PTPRA: variants seen among roughly 807,000 people sequenced by gnomAD.
PTPRA encodes protein tyrosine phosphatase receptor type A, also known as receptor-type tyrosine-protein phosphatase alpha.
In PTPRA, 25 loss-of-function variants were observed where a neutral mutation model predicts 104.8. That is an observed-to-expected ratio of 0.24 (90% CI 0.17 to 0.33). PTPRA has a LOEUF of 0.33. Ranked by LOEUF, PTPRA falls within the 10% of genes least tolerant of loss-of-function variation. PTPRA has a pLI of 1.00. For missense variants in PTPRA, 765 were observed against 1,015.3 expected (o/e 0.75, Z 3.35); for synonymous variants, 323 against 368.9 (o/e 0.88, Z 1.43).
intron 18 of PTPRA, 117 bp downstream of exon 18, chr20:3,026,897 C>T: frequency 1.0e-6 from 1 of 996,500 alleles, no homozygotes; most frequent in Non-Finnish European, 1.5e-6. Context: ...CATGGCATTG[C>T]CTCTTGTTGC....
chr20:2,888,676 A>G (rs1390385744), intron 1 of PTPRA, among the ~76,000 whole-genome samples: 1 of 152,144 alleles, frequency 6.6e-6, no homozygotes, highest in Non-Finnish European at 1.5e-5. Context: ...AAAAGTATAT[A>G]TAGTATATAT....
intron 2 of PTPRA, among the ~76,000 whole-genome samples, chr20:2,923,497 A>C (rs633284): frequency 6.7e-6 from 1 of 149,584 alleles, no homozygotes; most frequent in Non-Finnish European, 1.5e-5. Context: ...TTTTTTTTTT[A>C]AAAAAAAAGA....
intron 6 of PTPRA, among the ~76,000 whole-genome samples, chr20:2,980,636 G>T (rs969296449): frequency 5.3e-5 from 8 of 152,030 alleles, no homozygotes; most frequent in Non-Finnish European, 1.2e-4. Context: ...GATCACTTGA[G>T]ACCAAGAGTT....
chr20:2,968,507 T>TTTTTTTTTTTTG, intron 5 of PTPRA, among the ~76,000 whole-genome samples: 1 of 145,184 alleles, frequency 6.9e-6, no homozygotes, highest in Admixed American at 6.9e-5. Flanking sequence ...CTTTTTTTTT[T>TTTTTTTTTTTTG]TTCTCAAATT....
intron 9 of PTPRA, among the ~76,000 whole-genome samples, 168 bp from the exon 10 acceptor site, chr20:3,004,888 G>A (rs1381349340): frequency 2.6e-5 from 4 of 152,178 alleles, no homozygotes; most frequent in Non-Finnish European, 5.9e-5. Flanking sequence ...TGGCTGTTTC[G>A]GGGGAGAGGA....
At chr20:2,923,591 G>T (rs2060178217) in intron 2 of PTPRA, among the ~76,000 whole-genome samples, 1 of 151,812 alleles carries the variant, frequency 6.6e-6, no homozygotes, top group Non-Finnish European at 1.5e-5. Context: ...TTGAGGTCAG[G>T]AGTTCAAGAC....
chr20:2,964,371 G>T, intron 4 of PTPRA, 21 bp downstream of exon 4: 1 of 1,546,404 alleles, frequency 6.5e-7, no homozygotes, highest in Non-Finnish European at 8.8e-7. Flanking sequence ...ATTTGATAAG[G>T]CTGCTATTTG....
At chr20:2,946,787 G>T (rs1388593570) in intron 2 of PTPRA, among the ~76,000 whole-genome samples, 3 of 151,974 alleles carry the variant, frequency 2.0e-5, no homozygotes, top group African/African-American at 4.8e-5. Flanking sequence ...GGCAGAGGTT[G>T]CAGTGAGCCG....
rs2062382346 is a variant in PTPRA, at chr20:2,975,252, C to T, written c.442+11C>T. ...CGAAGGACAGAAGAGGTGAGCTGCT[C>T]ACCTTATATCTGTTGTTCCTTTTAC... is the stretch of plus-strand genomic sequence containing the variant. On this transcript the variant is annotated intron_variant, in intron 6 of 23. Transcript: ENST00000399903. The T allele has an allele frequency of 7.6e-6, 12 of 1,589,114 alleles. No individual in the cohort carries two copies. The East Asian group carries it at 1.8e-4, about 24-fold the overall frequency.
At chr20:2,967,992 C>G (rs2062008071) in intron 5 of PTPRA, among the ~76,000 whole-genome samples, 1 of 152,312 alleles carries the variant, frequency 6.6e-6, no homozygotes, top group East Asian at 1.9e-4. Context: ...CCTCCATTGT[C>G]TTATTCCAGT....
At chr20:3,031,694 A>T (rs1347559438) in intron 20 of PTPRA, among the ~76,000 whole-genome samples, 1 of 152,080 alleles carries the variant, frequency 6.6e-6, no homozygotes, top group Admixed American at 6.6e-5. Flanking sequence ...TTTTGTCTTC[A>T]TCAAGTCCTT....
chr20:2,866,736 T>A, the PTPRA span: 1 of 1,088,664 alleles, frequency 9.2e-7, no homozygotes, highest in Non-Finnish European at 1.3e-6. Context: ...CACTTCACAG[T>A]GCTTGTCTTA....
At chr20:2,993,850 G>T (rs1404333783) in intron 9 of PTPRA, among the ~76,000 whole-genome samples, 4 of 152,204 alleles carry the variant, frequency 2.6e-5, no homozygotes, top group South Asian at 2.1e-4. Context: ...CACAGAGGGA[G>T]GTCTAGCCAA....
intron 2 of PTPRA, among the ~76,000 whole-genome samples, chr20:2,929,488 A>G (rs988410711): frequency 6.6e-6 from 1 of 152,036 alleles, no homozygotes; most frequent in Non-Finnish European, 1.5e-5. Context: ...GTAGGATTTT[A>G]TGTACTGATA....
At chr20:2,922,155 G>A (rs531272266) in intron 1 of PTPRA, among the ~76,000 whole-genome samples, 3 of 152,244 alleles carry the variant, frequency 2.0e-5, no homozygotes, top group South Asian at 4.1e-4. Context: ...TTTGGGACAG[G>A]GAGGAGTGTT....
chr20:3,029,365 T>A (rs988210057), intron 20 of PTPRA, among the ~76,000 whole-genome samples: 1 of 151,870 alleles, frequency 6.6e-6, no homozygotes, highest in African/African-American at 2.4e-5. Context: ...GGTCTTGAAC[T>A]CCTGGGCTCA....
chr20:2,868,310 CTT>C, the PTPRA span, among the ~76,000 whole-genome samples: 36 of 104,136 alleles, frequency 3.5e-4, no homozygotes, highest in African/African-American at 7.5e-4. Context: ...GACTCCACCT[CTT>C]TTTTTTTTTT....
intron 1 of PTPRA, among the ~76,000 whole-genome samples, chr20:2,908,140 T>C (rs2059493645): frequency 6.6e-6 from 1 of 152,118 alleles, no homozygotes; most frequent in Admixed American, 6.6e-5. Flanking sequence ...TTACCTTCCC[T>C]CCTTGCTGTA....
rs780445163 is a variant in PTPRA at position 3,022,162 on chromosome 20, C to T, written c.1270C>T (p.Leu424Phe). Residue 424 changes from leucine (L) to phenylalanine (F), a missense_variant, in exon 15 of 24, where the codon CTC becomes TTC. Leu to Phe is a conservative substitution (Grantham distance 22). Around this residue, in one of 4 missense-constraint regions of PTPRA, gnomAD observed 245 missense variants for 398.7 expected, o/e 0.61. Transcript: ENST00000399903. The surrounding 1 kb of genome is among the most constrained non-coding windows in gnomAD (Gnocchi z 4.6). Reference sequence around the variant, plus strand: ...TACCCCGATCGGCATGCTCAAGTTCCTCAAGAAGGTGAAGGCCTGTAACCC... The same window carrying T: ...TACCCCGATCGGCATGCTCAAGTTCTTCAAGAAGGTGAAGGCCTGTAACCC... ...PFTPIGMLKFLKKVKACNPQY... is the reference protein window; with the variant it reads ...PFTPIGMLKFFKKVKACNPQY... 1.9e-6 allele frequency: 3 copies of T among 1,614,236 alleles called. No individual in the cohort carries two copies. Among genetic ancestry groups the T allele is most frequent in the Admixed American group, 1.7e-5 (1 of 60,028 alleles).
Sources: allele counts gnomAD v4.1 joint callset (sites outside exome capture counted in the v4.1 genomes callset), GRCh38; gene constraint gnomAD v4.1.1; regional missense constraint gnomAD v4.1.1; non-coding constraint Gnocchi (gnomAD v3.1); transcripts MANE v1.5; gene names NCBI Gene and HGNC (gene_info 2026-07-23, HGNC 2026-07-21).